WWOX: variants seen among roughly 807,000 people sequenced by gnomAD.
WWOX encodes WW domain-containing oxidoreductase.
Under a neutral mutation model 46.2 loss-of-function variants are expected in WWOX, and 69 were observed. That is an observed-to-expected ratio of 1.49 (90% CI 1.23 to 1.82). The LOEUF is 1.82. Ranked by LOEUF, WWOX falls within the 40% of genes most tolerant of loss-of-function variation. The pLI is 0.00. For missense variants in WWOX, 919 were observed against 542.6 expected (o/e 1.69, Z -6.89); for synonymous variants, 359 against 202.6 (o/e 1.77, Z -6.56).
intron 8 of WWOX, among the ~76,000 whole-genome samples, chr16:78,786,058 C>T (rs1315116078): frequency 2.0e-5 from 3 of 152,178 alleles, no homozygotes; most frequent in Admixed American, 6.6e-5. Flanking sequence ...AGGCACCCAC[C>T]ACCACGCCTG....
chr16:78,768,259 C>T (rs972076699), intron 8 of WWOX, among the ~76,000 whole-genome samples: 16 of 125,962 alleles, frequency 1.3e-4, no homozygotes, highest in African/African-American at 4.1e-4. Context: ...CTCAAGCAAG[C>T]CAAAAAGTGA....
chr16:78,359,402 A>G (rs1164557128), intron 5 of WWOX, among the ~76,000 whole-genome samples: 1 of 152,222 alleles, frequency 6.6e-6, no homozygotes, highest in Admixed American at 6.5e-5. Context: ...CTTAATTCTT[A>G]TTAACACACT....
At chr16:78,715,907 A>G (rs2048550482) in intron 8 of WWOX, among the ~76,000 whole-genome samples, 1 of 152,192 alleles carries the variant, frequency 6.6e-6, no homozygotes, top group Admixed American at 6.5e-5. Flanking sequence ...ATACGATGGA[A>G]GCCTGCCAGA....
At chr16:79,196,380 T>A (rs1479561994) in intron 8 of WWOX, 1 of 152,184 alleles carries the variant, frequency 6.6e-6, no homozygotes, top group Non-Finnish European at 1.5e-5. Flanking sequence ...CCAAGCTGGT[T>A]TGGGTTTATA....
At chr16:78,104,565 C>T (rs1003476875) in intron 1 of WWOX, among the ~76,000 whole-genome samples, 4 of 152,126 alleles carry the variant, frequency 2.6e-5, no homozygotes, top group Non-Finnish European at 4.4e-5. Context: ...ATATGATGTT[C>T]ACTTAAATTT....
At chr16:79,047,389 G>C (rs1014238286) in intron 8 of WWOX, among the ~76,000 whole-genome samples, 7 of 152,226 alleles carry the variant, frequency 4.6e-5, no homozygotes, top group Non-Finnish European at 1.5e-5. Context: ...AAATAGACCA[G>C]ATGAAGATTG....
chr16:78,895,142 G>A (rs763285126), intron 8 of WWOX, among the ~76,000 whole-genome samples: 6 of 152,226 alleles, frequency 3.9e-5, no homozygotes, highest in Admixed American at 1.3e-4. Context: ...TGTAATATCC[G>A]CTTTTTCAAA....
intron 5 of WWOX, among the ~76,000 whole-genome samples, chr16:78,213,951 G>A (rs906938855): frequency 5.9e-5 from 9 of 152,242 alleles, no homozygotes; most frequent in African/African-American, 2.2e-4. Context: ...TGTGGCCCGC[G>A]CCTCCCCTGT....
At chr16:78,157,590 G>A (rs2034650243) in intron 4 of WWOX, among the ~76,000 whole-genome samples, 1 of 152,180 alleles carries the variant, frequency 6.6e-6, no homozygotes, top group South Asian at 2.1e-4. Context: ...TCTGATTTAA[G>A]TATCAGAGGT....
chr16:78,558,852 C>T (rs987682690), intron 8 of WWOX, among the ~76,000 whole-genome samples: 1 of 152,218 alleles, frequency 6.6e-6, no homozygotes, highest in African/African-American at 2.4e-5. Flanking sequence ...TCCTAGACCC[C>T]TTCTCTCTAC....
intron 8 of WWOX, among the ~76,000 whole-genome samples, chr16:78,986,368 A>G (rs1043536109): frequency 9.2e-5 from 14 of 152,184 alleles, no homozygotes; most frequent in African/African-American, 2.9e-4. Context: ...TATTCCTAAT[A>G]TCCTCCCTGT....
At chr16:78,611,723 C>T (rs1219753262) in intron 8 of WWOX, among the ~76,000 whole-genome samples, 3 of 152,224 alleles carry the variant, frequency 2.0e-5, no homozygotes, top group East Asian at 3.8e-4. Flanking sequence ...ATATTTCTCA[C>T]TTATGGTGCA....
intron 5 of WWOX, among the ~76,000 whole-genome samples, chr16:78,180,588 T>G (rs1417020354): frequency 1.3e-5 from 2 of 150,298 alleles, no homozygotes; most frequent in African/African-American, 4.9e-5. Context: ...GGGTATATGT[T>G]AGGGCTTGTG....
intron 8 of WWOX, among the ~76,000 whole-genome samples, chr16:79,072,300 C>G (rs570140896): frequency 3.3e-4 from 50 of 152,140 alleles, no homozygotes; most frequent in South Asian, 1.9e-3. Context: ...CCCCCAAAAA[C>G]AGAAAACAGT....
At chr16:78,932,751 T>G (rs753379181) in intron 8 of WWOX, among the ~76,000 whole-genome samples, 5 of 152,022 alleles carry the variant, frequency 3.3e-5, no homozygotes, top group Non-Finnish European at 5.9e-5. Context: ...TGGGAAGTGG[T>G]AGGGAGGGAC....
At chr16:78,989,437 C>T (rs1468451191) in intron 8 of WWOX, among the ~76,000 whole-genome samples, 2 of 152,176 alleles carry the variant, frequency 1.3e-5, no homozygotes, top group Non-Finnish European at 2.9e-5. Flanking sequence ...ATATTGCATC[C>T]AGGCATCCTG....
intron 6 of WWOX, among the ~76,000 whole-genome samples, chr16:78,407,789 G>A (rs997289591): frequency 2.0e-5 from 3 of 152,130 alleles, no homozygotes; most frequent in East Asian, 1.9e-4. Flanking sequence ...TGATTCAAAC[G>A]TATCCATCCA....
chr16:78,140,497 T>A (rs1192912820), intron 4 of WWOX, among the ~76,000 whole-genome samples: 1 of 152,164 alleles, frequency 6.6e-6, no homozygotes, highest in African/African-American at 2.4e-5. Flanking sequence ...CCATACTCCC[T>A]TTAAAATGTG....
At chr16:78,706,102 T>C (rs1423443428) in intron 8 of WWOX, among the ~76,000 whole-genome samples, 1 of 149,814 alleles carries the variant, frequency 6.7e-6, no homozygotes, top group Non-Finnish European at 1.5e-5. Flanking sequence ...CCATATTTGA[T>C]GGCAAGTGTG....
Sources: gnomAD v4.1 joint callset for allele counts (sites outside exome capture counted in the v4.1 genomes callset) on GRCh38, gnomAD v4.1.1 for gene constraint, MANE v1.5 for transcripts, NCBI Gene and HGNC (gene_info 2026-07-23, HGNC 2026-07-21) for gene names.